Variants in ABCD2 observed in about 807,000 individuals in gnomAD.
The protein encoded by ABCD2 is ATP binding cassette subfamily D member 2.
ABCD2 carries 36 observed loss-of-function variants against 70.9 expected under a neutral mutation model. The ratio of observed to expected loss-of-function variants is 0.51; its 90% CI spans 0.39 to 0.67. The LOEUF is 0.67. Ranked by LOEUF, ABCD2 falls within the 30% of genes least tolerant of loss-of-function variation. ABCD2 has a pLI of 0.00. For synonymous variants in ABCD2, 304 were observed against 306.9 expected, an observed-to-expected ratio of 0.99 and a Z score of 0.10; for missense variants, 729 against 890.2, an observed-to-expected ratio of 0.82 and a Z score of 2.30.
intron 9 of ABCD2, 67 bp downstream of exon 9, chr12:39,573,649 G>C: frequency 6.5e-7 from 1 of 1,548,968 alleles, no homozygotes. Flanking sequence ...GAAAAATTTA[G>C]CAAAGTTATT....
the ABCD2 span, among the ~76,000 whole-genome samples, chr12:39,539,331 C>T: frequency 6.6e-6 from 1 of 152,118 alleles, no homozygotes; most frequent in South Asian, 2.1e-4. Flanking sequence ...TTGCCAGGGT[C>T]AAGAGATGGG....
intron 9 of ABCD2, among the ~76,000 whole-genome samples, chr12:39,555,608 AAG>A (rs1350024704): frequency 2.6e-5 from 4 of 152,246 alleles, no homozygotes; most frequent in Admixed American, 1.3e-4. Context: ...ACTTGGGGAA[AAG>A]AGAGGGATGT....
chr12:39,613,385 C>CAAAAAAA (rs71075064), intron 2 of ABCD2, among the ~76,000 whole-genome samples: 11 of 23,612 alleles, frequency 4.7e-4, no homozygotes, highest in Non-Finnish European at 6.1e-4. Context: ...GACTCCGTCT[C>CAAAAAAA]AAAAAAAAAA....
At chr12:39,600,980 T>C (rs1941889752) in intron 5 of ABCD2, among the ~76,000 whole-genome samples, 1 of 152,082 alleles carries the variant, frequency 6.6e-6, no homozygotes, top group South Asian at 2.1e-4. Flanking sequence ...TAATTTGTTA[T>C]CAGATACCAC....
the ABCD2 span, among the ~76,000 whole-genome samples, chr12:39,542,123 GT>G: frequency 6.6e-6 from 1 of 152,076 alleles, no homozygotes; most frequent in African/African-American, 2.4e-5. Flanking sequence ...GTTTCATGAA[GT>G]TTTCATATAT....
At chr12:39,591,234 GA>G (rs1941741884) in intron 6 of ABCD2, among the ~76,000 whole-genome samples, 1 of 152,076 alleles carries the variant, frequency 6.6e-6, no homozygotes, top group Non-Finnish European at 1.5e-5. Context: ...TGCATAGAAA[GA>G]ACTAGATTTG....
intron 2 of ABCD2, among the ~76,000 whole-genome samples, chr12:39,615,413 C>A (rs148137660): frequency 1.3e-5 from 2 of 151,872 alleles, no homozygotes; most frequent in African/African-American, 4.8e-5. Flanking sequence ...GTGTCACTCT[C>A]GCTAATACTC....
Position 39,619,797 on chromosome 12 carries a change from T to C in ABCD2, c.-182A>G. 2 of 591,728 alleles carry C rather than the reference T, an allele frequency of 3.4e-6. No individual in the cohort carries two copies. The highest frequency in any genetic ancestry group is 2.9e-6 in the Non-Finnish European group (1 of 340,202). 36.7% of individuals were successfully genotyped at this position (591,728 alleles called of 1,614,324 possible). A position where few individuals can be genotyped will look rare whatever the true frequency, so the allele number is the denominator to read the frequency against. On this transcript the variant is annotated 5_prime_UTR_variant, in exon 1 of 10. Coordinates refer to ENST00000308666, the MANE Select transcript of ABCD2 (RefSeq NM_005164.4). ...AGATGCAGCAGAGCTCAGACTCCGC[T>C]GCATCTACCGGGAATGATTCTCTCA...
chr12:39,594,140 C>T (rs1191645648), intron 6 of ABCD2, among the ~76,000 whole-genome samples: 2 of 152,114 alleles, frequency 1.3e-5, no homozygotes, highest in African/African-American at 4.8e-5. Context: ...GTGATACTTG[C>T]AAGGTCAGGA....
intron 9 of ABCD2, among the ~76,000 whole-genome samples, chr12:39,556,730 T>C (rs1484773619): frequency 1.3e-5 from 2 of 152,180 alleles, no homozygotes; most frequent in Non-Finnish European, 2.9e-5. Context: ...CTCATGCCTG[T>C]AATCCCAGCA....
chr12:39,533,379 A>G, the ABCD2 span, among the ~76,000 whole-genome samples: 2 of 152,304 alleles, frequency 1.3e-5, no homozygotes, highest in South Asian at 2.1e-4. Flanking sequence ...CATTTCCTCA[A>G]AAGAGATTCA....
chr12:39,574,331 G>T (rs1352521062), intron 8 of ABCD2, among the ~76,000 whole-genome samples: 2 of 152,108 alleles, frequency 1.3e-5, no homozygotes, highest in Admixed American at 1.3e-4. Flanking sequence ...ATAAGACTGC[G>T]AGAGTGAATG....
At chr12:39,598,799 A>G (rs1477298756) in intron 6 of ABCD2, among the ~76,000 whole-genome samples, 1 of 152,230 alleles carries the variant, frequency 6.6e-6, no homozygotes, top group African/African-American at 2.4e-5. Context: ...ATAAAAACGT[A>G]AGATTATTTT....
chr12:39,578,335 T>G (rs987213655), intron 8 of ABCD2, among the ~76,000 whole-genome samples: 16 of 151,864 alleles, frequency 1.1e-4, no homozygotes, highest in African/African-American at 3.1e-4. Context: ...TTAGCCGGGC[T>G]TGGTGGCGGG....
chr12:39,611,096 T>C (rs985837954), intron 2 of ABCD2, among the ~76,000 whole-genome samples: 2 of 152,196 alleles, frequency 1.3e-5, no homozygotes, highest in African/African-American at 4.8e-5. Flanking sequence ...AGAGTACATA[T>C]TGAAAATTGG....
chr12:39,561,080 G>T (rs1422024437), intron 9 of ABCD2, among the ~76,000 whole-genome samples: 3 of 151,980 alleles, frequency 2.0e-5, no homozygotes, highest in Non-Finnish European at 2.9e-5. Context: ...AATATTAATG[G>T]ATTAAGTTCT....
At chr12:39,575,501 G>A (rs1023374447) in intron 8 of ABCD2, among the ~76,000 whole-genome samples, 1 of 152,106 alleles carries the variant, frequency 6.6e-6, no homozygotes, top group African/African-American at 2.4e-5. Context: ...AATGGGCTTC[G>A]TGAAGGATTT....
intron 1 of ABCD2, 40 bp from the exon 2 acceptor site, chr12:39,617,208 T>A: frequency 7.3e-7 from 1 of 1,361,462 alleles, no homozygotes; most frequent in African/African-American, 1.5e-5. Context: ...TTTTTAAAGA[T>A]ATATACATAT....
chr12:39,571,135 G>A lies in ABCD2; in HGVS notation c.2003+2581C>T, dbSNP rs188232058. Among the ~76,000 whole-genome samples the A allele has an allele frequency of 2.3e-3, 347 of 152,198 alleles. 1 individual carries two copies. Among genetic ancestry groups the A allele is most frequent in the Non-Finnish European group, 3.7e-3 (253 of 67,976 alleles). ...ACACCTTTGGTGGGAATATAAATTA[G>A]TATAGCCATCATGGAAAACAGTAAG... On this transcript the variant is annotated intron_variant, in intron 9 of 9. Transcript: ENST00000308666.
Sources: gnomAD v4.1 joint callset for allele counts (sites outside exome capture counted in the v4.1 genomes callset) on GRCh38, gnomAD v4.1.1 for gene constraint, MANE v1.5 for transcripts, NCBI Gene and HGNC (gene_info 2026-07-23, HGNC 2026-07-21) for gene names.